Variants in CEP63 observed in about 807,000 individuals in gnomAD.
CEP63 encodes centrosomal protein of 63 kDa.
CEP63 carries 84 observed loss-of-function variants against 89.1 expected under a neutral mutation model. The observed-to-expected ratio is 0.94, with a 90% confidence interval of 0.79 to 1.13. The LOEUF is 1.13. Among genes scored for constraint, CEP63 ranks in the 50% most tolerant of loss-of-function variants. The pLI is 0.00. For missense variants in CEP63, 838 were observed against 813.3 expected, an observed-to-expected ratio of 1.03 and a Z score of -0.37; for synonymous variants, 267 against 272.5, an observed-to-expected ratio of 0.98 and a Z score of 0.20.
chr3:134,778,960 G>A, the CEP63 span, among the ~76,000 whole-genome samples: 1 of 152,200 alleles, frequency 6.6e-6, no homozygotes, highest in Non-Finnish European at 1.5e-5. Flanking sequence ...CAGCGAAATT[G>A]TAATTTATAG....
At chr3:134,627,308 G>A in the CEP63 span, among the ~76,000 whole-genome samples, 1 of 152,160 alleles carries the variant, frequency 6.6e-6, no homozygotes, top group South Asian at 2.1e-4. Flanking sequence ...GGTCTACTGA[G>A]GGGGAAACTG....
chr3:134,703,668 G>C, the CEP63 span, among the ~76,000 whole-genome samples: 1 of 152,140 alleles, frequency 6.6e-6, no homozygotes, highest in African/African-American at 2.4e-5. Flanking sequence ...AAGAAGAATA[G>C]CTAATGGATG....
the CEP63 span, among the ~76,000 whole-genome samples, chr3:134,759,933 G>A: frequency 6.6e-6 from 1 of 152,136 alleles, no homozygotes; most frequent in South Asian, 2.1e-4. Flanking sequence ...AGCACAGAGA[G>A]GTTAAGTAAT....
intron 10 of CEP63, among the ~76,000 whole-genome samples, chr3:134,581,107 A>C (rs536446965): frequency 1.3e-5 from 2 of 152,314 alleles, no homozygotes; most frequent in Admixed American, 6.5e-5. Flanking sequence ...TAAAAAATAC[A>C]AAAACTAATT....
At chr3:134,593,993 G>C in the CEP63 span, among the ~76,000 whole-genome samples, 1 of 152,194 alleles carries the variant, frequency 6.6e-6, no homozygotes, top group Admixed American at 6.5e-5. Flanking sequence ...CATAGGAGGA[G>C]GGGACAGCCT....
the CEP63 span, among the ~76,000 whole-genome samples, chr3:134,710,212 C>A: frequency 1.3e-5 from 2 of 152,188 alleles, no homozygotes; most frequent in African/African-American, 4.8e-5. Context: ...CCCAGCACAA[C>A]GGGTCGGCTG....
chr3:134,559,266 GC>G lies in CEP63; in HGVS notation c.1795del (p.Leu599Ter). The G allele has an allele frequency of 6.2e-7, 1 of 1,614,144 alleles. No homozygotes were observed. The highest frequency in any genetic ancestry group is 1.7e-5 in the Admixed American group (1 of 60,012). On this transcript the variant is annotated frameshift_variant, in exon 14 of 15. Coordinates refer to ENST00000675561, the MANE Select transcript of CEP63 (RefSeq NM_001353108.3). LOFTEE classifies it high-confidence loss of function. The stretch of plus-strand genomic sequence containing the variant: ...ATAAACCCCATGTCTAGGGTGCTAA[GC>G]CCCCTGAGTCCTCAAATCAGCCCTT... ...DSINPMSRVL[S>X]PLSPQISPCS...
At chr3:134,651,904 G>A in the CEP63 span, among the ~76,000 whole-genome samples, 1 of 152,146 alleles carries the variant, frequency 6.6e-6, no homozygotes, top group African/African-American at 2.4e-5. Context: ...TGGTACCCCT[G>A]GGCACTACGG....
chr3:134,486,174 G>C lies in CEP63; in HGVS notation c.-54G>C. 1 of 985,588 alleles carries C rather than the reference G, an allele frequency of 1.0e-6. No individual in the cohort carries two copies. The allele number at this position is 985,588 out of a possible 1,614,324, so 61.1% of individuals were successfully genotyped here. On this transcript the variant is annotated 5_prime_UTR_variant, in exon 1 of 15. Coordinates refer to ENST00000675561, the MANE Select transcript of CEP63 (RefSeq NM_001353108.3). The stretch of plus-strand genomic sequence containing the variant: ...ACAGAGGCTGGACGTAAGCTTAGCG[G>C]TGGCGCGCGTGCGCAGCGCCGGCCC...
At chr3:134,598,214 C>T in the CEP63 span, among the ~76,000 whole-genome samples, 1 of 152,168 alleles carries the variant, frequency 6.6e-6, no homozygotes, top group Non-Finnish European at 1.5e-5. Flanking sequence ...GTAAAACACC[C>T]CTCGTTTCCC....
the CEP63 span, among the ~76,000 whole-genome samples, chr3:134,627,101 A>G: frequency 6.6e-6 from 1 of 152,144 alleles, no homozygotes. Context: ...TCTTGGTTCC[A>G]TTTTCCAACA....
intron 8 of CEP63, 47 bp from the exon 9 acceptor site, chr3:134,547,288 G>A (rs1478123912): frequency 6.3e-7 from 1 of 1,584,840 alleles, no homozygotes. Flanking sequence ...CATTATTTTT[G>A]TTTGCAGAGA....
At chr3:134,719,734 A>G in the CEP63 span, among the ~76,000 whole-genome samples, 3 of 152,150 alleles carry the variant, frequency 2.0e-5, no homozygotes, top group African/African-American at 4.8e-5. Flanking sequence ...AAGGTATGTG[A>G]TCTTTTATGC....
At chr3:134,587,825 G>A (rs1349129142), downstream of CEP63, among the ~76,000 whole-genome samples, 1 of 149,894 alleles carries the variant, frequency 6.7e-6, no homozygotes, top group African/African-American at 2.5e-5. Context: ...ATCTTGGAAT[G>A]GACCCCCCTA....
intron 1 of CEP63, chr3:134,486,665 C>T (rs1935539961): frequency 8.9e-6 from 4 of 451,592 alleles, no homozygotes; most frequent in African/African-American, 2.1e-5. Context: ...GTCTAGCTAG[C>T]GCTGTTGGGA....
At chr3:134,492,445 A>C (rs1373459263) in intron 1 of CEP63, among the ~76,000 whole-genome samples, 1 of 149,298 alleles carries the variant, frequency 6.7e-6, no homozygotes, top group East Asian at 2.0e-4. Flanking sequence ...AGCCCTTACT[A>C]TTTGCCTGAT....
chr3:134,668,369 C>G, the CEP63 span, among the ~76,000 whole-genome samples: 4 of 152,138 alleles, frequency 2.6e-5, no homozygotes, highest in Non-Finnish European at 5.9e-5. Context: ...GCCATGAAGC[C>G]TATGGTCATG....
the CEP63 span, among the ~76,000 whole-genome samples, chr3:134,682,652 C>A: frequency 6.6e-6 from 1 of 152,182 alleles, no homozygotes; most frequent in Non-Finnish European, 1.5e-5. Context: ...AACCATTCAG[C>A]CTGCATTGAG....
In CEP63 at chr3:134,561,755, C is replaced by G; in HGVS notation, c.*220C>G. On this transcript the variant is annotated 3_prime_UTR_variant, in exon 15 of 15. Coordinates refer to ENST00000675561, the MANE Select transcript of CEP63 (RefSeq NM_001353108.3). The stretch of plus-strand genomic sequence containing the variant: ...TCCAGCAATAAGTTGAAAGAATAAA[C>G]CACTTTGCTAGACTTTTTTCTCATA... 1 of 1,363,614 alleles carries G rather than the reference C, an allele frequency of 7.3e-7. No individual in the cohort carries two copies. The highest frequency in any genetic ancestry group is 9.4e-7 in the Non-Finnish European group (1 of 1,059,660). The allele number at this position is 1,363,614 out of a possible 1,614,324, so 84.5% of individuals were successfully genotyped here.
Sources: gnomAD v4.1 joint callset for allele counts (sites outside exome capture counted in the v4.1 genomes callset) on GRCh38, gnomAD v4.1.1 for gene constraint, MANE v1.5 for transcripts, NCBI Gene and HGNC (gene_info 2026-07-23, HGNC 2026-07-21) for gene names.